The following JAKMIP2 variants were observed in gnomAD, a reference collection of about 807,000 sequenced individuals.
The protein encoded by JAKMIP2 is janus kinase and microtubule interacting protein 2.
In JAKMIP2, 25 loss-of-function variants were observed where a neutral mutation model predicts 115.0. The ratio of observed to expected loss-of-function variants is 0.22; its 90% confidence interval spans 0.16 to 0.30. The LOEUF is 0.30. Ranked by LOEUF, JAKMIP2 falls within the 10% of genes least tolerant of loss-of-function variation. The probability of loss-of-function intolerance (pLI) is 1.00; values close to 1 mark genes in which losing one functional copy is unlikely to be tolerated. For missense variants in JAKMIP2, 642 were observed against 957.6 expected (o/e 0.67, Z 4.35); for synonymous variants, 334 against 343.6 (o/e 0.97, Z 0.31).
chr5:147,739,515 C>A (rs957684341), intron 1 of JAKMIP2, among the ~76,000 whole-genome samples: 2 of 152,040 alleles, frequency 1.3e-5, no homozygotes, highest in Admixed American at 1.3e-4. Flanking sequence ...TTGACTGGTG[C>A]ATGAGACGAA....
intron 1 of JAKMIP2, among the ~76,000 whole-genome samples, chr5:147,689,431 C>T (rs549040771): frequency 2.0e-5 from 3 of 152,098 alleles, no homozygotes; most frequent in South Asian, 2.1e-4. Flanking sequence ...TGGAATTAAG[C>T]GGACTGGTTT....
rs539413404 is a variant in JAKMIP2, at chr5:147,716,110, T to C, written c.-148-44156A>G. ...ATATGCAGTGTTTGGTTTTTTGTTC[T>C]TGTGATAGTTTACTGAGAATGATGT... On this transcript the variant is annotated intron_variant, in intron 1 of 21. Coordinates refer to ENST00000616793, the MANE Select transcript of JAKMIP2 (RefSeq NM_001270941.2). 2.8e-4 allele frequency among the ~76,000 whole-genome samples: 42 copies of C among 147,554 alleles called. No individual in the cohort carries two copies. In the East Asian group the frequency reaches 3.3e-3, roughly 11 times the overall value.
At chr5:147,639,330 A>G (rs2126712001) in intron 10 of JAKMIP2, among the ~76,000 whole-genome samples, 1 of 152,330 alleles carries the variant, frequency 6.6e-6, no homozygotes. Context: ...TTTCTAAGCA[A>G]GAAACTAAAA....
At chr5:147,649,527 C>T (rs1758292096) in intron 4 of JAKMIP2, among the ~76,000 whole-genome samples, 1 of 152,048 alleles carries the variant, frequency 6.6e-6, no homozygotes, top group African/African-American at 2.4e-5. Flanking sequence ...GACTCTAGAG[C>T]CCATTCTCTT....
chr5:147,669,704 G>C (rs1458064677), intron 2 of JAKMIP2, among the ~76,000 whole-genome samples: 2 of 152,192 alleles, frequency 1.3e-5, no homozygotes, highest in Non-Finnish European at 2.9e-5. Context: ...GCTGCAGGGA[G>C]AGTTAAGGCC....
intron 15 of JAKMIP2, 117 bp from the exon 16 acceptor site, chr5:147,628,933 A>ATGTT: frequency 1.5e-6 from 1 of 646,164 alleles, no homozygotes. Context: ...GAAACTTAAC[A>ATGTT]AATTCCTATT....
intron 2 of JAKMIP2, among the ~76,000 whole-genome samples, chr5:147,667,682 C>A (rs1387104885): frequency 6.6e-6 from 1 of 152,140 alleles, no homozygotes; most frequent in Non-Finnish European, 1.5e-5. Context: ...CAAGGGAAGT[C>A]CTATACAACC....
intron 6 of JAKMIP2, 43 bp downstream of exon 6, chr5:147,644,807 A>G (rs1035204210): frequency 6.5e-7 from 1 of 1,545,230 alleles, no homozygotes; most frequent in Non-Finnish European, 8.8e-7. Context: ...TTAAGGTAAT[A>G]TAATCAAGGA....
Position 147,782,676 on chromosome 5 carries a change from A to G in JAKMIP2, c.-369T>C, listed in dbSNP as rs1033241806. ...AGGCGGCGGCGGCGGCAGCAGCAGC[A>G]GCAGCAGCATCACCAGTTGGGCCTC... On this transcript the variant is annotated 5_prime_UTR_variant, in exon 1 of 22. Transcript: ENST00000616793. 1 of 661,988 alleles carries G rather than the reference A, an allele frequency of 1.5e-6. No individual in the cohort carries two copies. Among genetic ancestry groups the G allele is most frequent in the Non-Finnish European group, 2.8e-6 (1 of 362,614 alleles). The allele number at this position is 661,988 out of a possible 1,614,324, so 41.0% of individuals were successfully genotyped here.
At chr5:147,604,919 G>C (rs1370513667) in intron 20 of JAKMIP2, among the ~76,000 whole-genome samples, 1 of 151,444 alleles carries the variant, frequency 6.6e-6, no homozygotes, top group Non-Finnish European at 1.5e-5. Flanking sequence ...GTGGTTTGCT[G>C]CACCCATCAA....
intron 1 of JAKMIP2, among the ~76,000 whole-genome samples, chr5:147,696,386 C>G (rs965575502): frequency 4.6e-5 from 7 of 152,042 alleles, no homozygotes; most frequent in Middle Eastern, 3.2e-3. Context: ...GGGGCTTCCC[C>G]ATTTGCTCGG....
At chr5:147,655,257 AAT>A (rs1758620091) in intron 3 of JAKMIP2, among the ~76,000 whole-genome samples, 2 of 152,154 alleles carry the variant, frequency 1.3e-5, no homozygotes, top group Admixed American at 6.5e-5. Flanking sequence ...AATTGTTTGG[AAT>A]AGTTTCAGAA....
At chr5:147,715,206 C>T (rs561036012) in intron 1 of JAKMIP2, among the ~76,000 whole-genome samples, 39 of 151,728 alleles carry the variant, frequency 2.6e-4, no homozygotes, top group Middle Eastern at 3.4e-3. Context: ...AATTTCCTGT[C>T]GATTCAAAAT....
At chr5:147,683,869 G>A (rs575068734) in intron 1 of JAKMIP2, among the ~76,000 whole-genome samples, 2 of 152,208 alleles carry the variant, frequency 1.3e-5, no homozygotes, top group East Asian at 1.9e-4. Context: ...GGATAAAATA[G>A]CTTTCGGATA....
At position 147,601,770 on chromosome 5, in the gene JAKMIP2, T is replaced by C; in HGVS notation, c.2454A>G (p.Leu818=). ...AAGAGGCACCTTGACATCAAGGCCATAGAATAAAGGCAAGAGAGAAGAACA... is the reference window on the plus strand; with the variant it reads ...AAGAGGCACCTTGACATCAAGGCCACAGAATAAAGGCAAGAGAGAAGAACA... ...LFLFFSLAFI[L]WP The change falls in exon 21 of 22, where the codon CTA becomes CTG. Residue 818 remains leucine (L), a synonymous_variant. Transcript: ENST00000616793. 6.6e-7 allele frequency: 1 copy of C among 1,518,384 alleles called. No homozygotes were observed. The highest frequency in any genetic ancestry group is 8.9e-7 in the Non-Finnish European group (1 of 1,124,860). The allele number at this position is 1,518,384 out of a possible 1,614,324, so 94.1% of individuals were successfully genotyped here. A position where few individuals can be genotyped will look rare whatever the true frequency, so the allele number is the denominator to read the frequency against.
At chr5:147,591,749 A>G (rs1755102527) in intron 21 of JAKMIP2, 63 bp from the exon 22 acceptor site, 1 of 1,050,742 alleles carries the variant, frequency 9.5e-7, no homozygotes, top group South Asian at 1.4e-5. Context: ...ATCATAAAAA[A>G]CAAACTTTAA....
At chr5:147,752,909 G>A (rs757024367) in intron 1 of JAKMIP2, among the ~76,000 whole-genome samples, 29 of 152,166 alleles carry the variant, frequency 1.9e-4, no homozygotes, top group Non-Finnish European at 3.4e-4. Flanking sequence ...TTTGTGGGAA[G>A]AGTGAAAATG....
At chr5:147,683,970 T>C (rs1480225956) in intron 1 of JAKMIP2, among the ~76,000 whole-genome samples, 1 of 152,214 alleles carries the variant, frequency 6.6e-6, no homozygotes, top group Non-Finnish European at 1.5e-5. Flanking sequence ...TATGTTATAC[T>C]ATGGTATCTA....
chr5:147,768,498 C>T (rs964906879), intron 1 of JAKMIP2, among the ~76,000 whole-genome samples: 9 of 152,172 alleles, frequency 5.9e-5, no homozygotes, highest in African/African-American at 2.2e-4. Context: ...TTCAAATATG[C>T]CTCTAGTTCC....
Sources: gnomAD v4.1 joint callset for allele counts (sites outside exome capture counted in the v4.1 genomes callset) on GRCh38, gnomAD v4.1.1 for gene constraint, MANE v1.5 for transcripts, NCBI Gene and HGNC (gene_info 2026-07-23, HGNC 2026-07-21) for gene names.